The following EXOC2 variants were observed in gnomAD, a reference collection of about 807,000 sequenced individuals.
The protein encoded by EXOC2 is exocyst complex component 2, also known as SEC5-like 1.
Under a neutral mutation model 131.8 loss-of-function variants are expected in EXOC2, and 70 were observed. That is an observed-to-expected ratio of 0.53 (90% CI 0.44 to 0.65). EXOC2 has a LOEUF of 0.65. EXOC2 is among the 30% of genes least tolerant of loss of function. The pLI, the probability that EXOC2 is intolerant of heterozygous loss-of-function variation, is 0.00. For synonymous variants in EXOC2, 411 were observed against 398.4 expected (o/e 1.03, Z -0.38); for missense variants, 923 against 1,108.6 (o/e 0.83, Z 2.38).
At chr6:591,909 C>T (rs1759561931) in intron 11 of EXOC2, among the ~76,000 whole-genome samples, 1 of 152,194 alleles carries the variant, frequency 6.6e-6, no homozygotes, top group Non-Finnish European at 1.5e-5. Context: ...TAGTAAGCTA[C>T]CTTTTATCCT....
intron 4 of EXOC2, among the ~76,000 whole-genome samples, chr6:627,172 C>A (rs1216244115): frequency 6.8e-6 from 1 of 146,458 alleles, no homozygotes; most frequent in Non-Finnish European, 1.5e-5. Flanking sequence ...TTTTATCTTT[C>A]TCTAAAACAA....
intron 1 of EXOC2, among the ~76,000 whole-genome samples, chr6:674,432 C>T (rs1764016435): frequency 6.6e-6 from 1 of 152,088 alleles, no homozygotes; most frequent in Non-Finnish European, 1.5e-5. Context: ...AAAAAATTAC[C>T]TTGTACTAAA....
At chr6:585,002 T>C (rs756319163) in intron 11 of EXOC2, among the ~76,000 whole-genome samples, 5 of 152,234 alleles carry the variant, frequency 3.3e-5, no homozygotes, top group Non-Finnish European at 7.3e-5. Context: ...GCAGGAAACC[T>C]CTGAAGACGC....
At chr6:670,628 A>AT (rs1286353971) in intron 1 of EXOC2, among the ~76,000 whole-genome samples, 1 of 152,202 alleles carries the variant, frequency 6.6e-6, no homozygotes, top group Non-Finnish European at 1.5e-5. Flanking sequence ...AAAATCTGTA[A>AT]TAATTTTTGA....
At chr6:489,083 G>A (rs1204936018) in intron 26 of EXOC2, 45 bp from the exon 27 acceptor site, 3 of 1,584,834 alleles carry the variant, frequency 1.9e-6, no homozygotes, top group East Asian at 4.5e-5. Context: ...TTGCACAGGA[G>A]AACTGCTGAC....
Position 528,264 on chromosome 6 carries a change from A to G in EXOC2, c.2380+4205T>C, listed in dbSNP as rs564159196. ...GTATCGGAAACTAAATTTATTGGTA[A>G]CTACAGCAATAAGTAATCAGTTACC... On this transcript the variant is annotated intron_variant, in intron 23 of 27. Coordinates refer to ENST00000230449, the MANE Select transcript of EXOC2 (RefSeq NM_018303.6). Among the ~76,000 whole-genome samples the G allele has an allele frequency of 2.6e-5, 4 of 152,320 alleles. No homozygotes were observed. In the South Asian group the frequency reaches 8.3e-4, roughly 32 times the overall value.
chr6:499,060 C>G (rs1763892972), intron 24 of EXOC2, among the ~76,000 whole-genome samples: 1 of 152,178 alleles, frequency 6.6e-6, no homozygotes, highest in Non-Finnish European at 1.5e-5. Context: ...GATGTTAACA[C>G]AAAGCTTAAG....
chr6:534,901 T>C (rs1391050865), intron 22 of EXOC2, among the ~76,000 whole-genome samples: 1 of 152,200 alleles, frequency 6.6e-6, no homozygotes, highest in Non-Finnish European at 1.5e-5. Context: ...GAAGTAAGAT[T>C]TCTTCAAAGG....
At chr6:522,468 C>T (rs534733361) in intron 23 of EXOC2, among the ~76,000 whole-genome samples, 18 of 142,728 alleles carry the variant, frequency 1.3e-4, no homozygotes, top group African/African-American at 4.8e-4. Flanking sequence ...CAGGTCCATG[C>T]GGACTGCAGG....
At chr6:604,315 T>C (rs1003592789) in intron 7 of EXOC2, among the ~76,000 whole-genome samples, 3 of 152,160 alleles carry the variant, frequency 2.0e-5, no homozygotes, top group African/African-American at 7.2e-5. Context: ...TCCCTGTCCC[T>C]TCACCTTTCT....
chr6:563,408 G>A (rs371408472), intron 16 of EXOC2, among the ~76,000 whole-genome samples: 50 of 152,196 alleles, frequency 3.3e-4, no homozygotes, highest in East Asian at 1.9e-3. Flanking sequence ...ACACAGTATC[G>A]CCCACCAATT....
At position 549,186 on chromosome 6, in the gene EXOC2, T is replaced by C; in HGVS notation, c.2227A>G (p.Lys743Glu). 1.9e-6 allele frequency: 3 copies of C among 1,613,988 alleles called. No individual in the cohort carries two copies. Among genetic ancestry groups the C allele is most frequent in the Non-Finnish European group, 2.5e-6 (3 of 1,179,850 alleles). Residue 743 changes from lysine (K) to glutamate (E), a missense_variant, in exon 22 of 28, where the codon AAA becomes GAA. Transcript: ENST00000230449. ...ATGAACTCGCTTACCTGTGTGATTT[T>C]TTCTATTCCCTGGAAGTTGTGCTTT... ...FEKHNFQGIE[K>E]ITQVSMASLK...
chr6:677,997 T>C (rs1764232329), intron 1 of EXOC2, among the ~76,000 whole-genome samples: 1 of 148,968 alleles, frequency 6.7e-6, no homozygotes, highest in Non-Finnish European at 1.5e-5. Flanking sequence ...ATGAAAAGGG[T>C]CCCCCAAAAG....
chr6:650,142 T>C (rs768527067), intron 1 of EXOC2, among the ~76,000 whole-genome samples: 16 of 152,226 alleles, frequency 1.1e-4, no homozygotes, highest in Non-Finnish European at 2.1e-4. Context: ...AAAACAATCA[T>C]ATGGTACTCT....
At chr6:626,417 G>A (rs1323387446) in intron 4 of EXOC2, among the ~76,000 whole-genome samples, 1 of 152,098 alleles carries the variant, frequency 6.6e-6, no homozygotes, top group Non-Finnish European at 1.5e-5. Flanking sequence ...TACTCTCACT[G>A]GCTTTGCCAT....
chr6:601,263 C>T (rs1171805039), intron 7 of EXOC2, among the ~76,000 whole-genome samples: 3 of 135,810 alleles, frequency 2.2e-5, no homozygotes, highest in Non-Finnish European at 4.7e-5. Context: ...CACACATTCT[C>T]ACACCAAGAA....
intron 1 of EXOC2, chr6:656,522 C>T (rs372739655): frequency 3.1e-6 from 5 of 1,605,716 alleles, no homozygotes; most frequent in Non-Finnish European, 2.5e-6. Flanking sequence ...AGTCCCGCCA[C>T]ACTCTCCTGG....
chr6:567,189 C>T (rs1272111360), intron 13 of EXOC2, among the ~76,000 whole-genome samples: 11 of 152,218 alleles, frequency 7.2e-5, no homozygotes, highest in Admixed American at 6.5e-5. Flanking sequence ...TGGGATGAAG[C>T]CACTGCCAGC....
At chr6:558,266 A>G (rs1450772309) in intron 17 of EXOC2, among the ~76,000 whole-genome samples, 2 of 152,220 alleles carry the variant, frequency 1.3e-5, no homozygotes, top group African/African-American at 4.8e-5. Context: ...TTATTTCTGC[A>G]CTTTGAAACC....
Sources: allele counts gnomAD v4.1 joint callset (sites outside exome capture counted in the v4.1 genomes callset), GRCh38; gene constraint gnomAD v4.1.1; transcripts MANE v1.5; gene names NCBI Gene and HGNC (gene_info 2026-07-23, HGNC 2026-07-21).